The following MOSPD1 variants were observed in gnomAD, a reference collection of about 807,000 sequenced individuals.
MOSPD1 encodes the protein motile sperm domain containing 1, also known as motile sperm domain-containing protein 1.
MOSPD1 carries 5 observed loss-of-function variants against 16.7 expected under a neutral mutation model. The ratio of observed to expected loss-of-function variants is 0.30; its 90% CI spans 0.16 to 0.63. The LOEUF (loss-of-function observed/expected upper bound fraction) is 0.63. MOSPD1 is among the 30% of genes least tolerant of loss of function. The probability of loss-of-function intolerance (pLI) is 0.82; values close to 1 mark genes in which losing one functional copy is unlikely to be tolerated. For missense variants in MOSPD1, 104 were observed against 153.6 expected, an observed-to-expected ratio of 0.68 and a Z score of 1.71; for synonymous variants, 67 against 59.2, an observed-to-expected ratio of 1.13 and a Z score of -0.61.
chrX:134,906,174 CTTTTTTTTTTTT>C (rs765109385), intron 1 of MOSPD1, among the ~76,000 whole-genome samples: 10 of 56,650 alleles, frequency 1.8e-4, no homozygotes, highest in African/African-American at 7.2e-4. Context: ...CCATTTATCA[CTTTTTTTTTTTT>C]TTTTTTTTTT....
chrX:134,904,295 T>C (rs2082930131), intron 1 of MOSPD1, among the ~76,000 whole-genome samples: 1 of 112,087 alleles, frequency 8.9e-6, no homozygotes, highest in Non-Finnish European at 1.9e-5. Flanking sequence ...TGATAGCATA[T>C]GATGGGAACG....
At chrX:134,907,168 T>A (rs2082947415) in intron 1 of MOSPD1, among the ~76,000 whole-genome samples, 1 of 110,445 alleles carries the variant, frequency 9.1e-6, no homozygotes, top group African/African-American at 3.3e-5. Flanking sequence ...GTGGAGGTTG[T>A]ATTGAGCCGA....
intron 1 of MOSPD1, 113 bp from the exon 2 acceptor site, chrX:134,899,647 G>A (rs1400417263): frequency 2.6e-5 from 8 of 312,881 alleles, no homozygotes; most frequent in East Asian, 5.3e-5. Context: ...CCCCTGAATC[G>A]GCCAGGTGCA....
At chrX:134,911,198 C>G (rs938100915) in intron 1 of MOSPD1, among the ~76,000 whole-genome samples, 1 of 111,704 alleles carries the variant, frequency 9.0e-6, no homozygotes, top group African/African-American at 3.3e-5. Flanking sequence ...CTGACCAATT[C>G]AGATTTGAAG....
At chrX:134,909,427 T>C (rs1259462230) in intron 1 of MOSPD1, among the ~76,000 whole-genome samples, 1 of 111,858 alleles carries the variant, frequency 8.9e-6, no homozygotes. Flanking sequence ...TATCTCTCCC[T>C]GGCTCTTGCT....
intron 4 of MOSPD1, among the ~76,000 whole-genome samples, chrX:134,895,297 C>T (rs1452500477): frequency 3.7e-5 from 4 of 108,698 alleles, no homozygotes; most frequent in Non-Finnish European, 7.6e-5. Context: ...TGCACTCTAG[C>T]CTGGGCGATA....
chrX:134,891,393 A>G, intron 5 of MOSPD1, 86 bp downstream of exon 5: 16 of 799,246 alleles, frequency 2.0e-5, no homozygotes, highest in East Asian at 4.0e-5. Flanking sequence ...TTCTTTGGGA[A>G]AAAAAAAAAA....
At chrX:134,895,904 A>G (rs781052365) in intron 4 of MOSPD1, among the ~76,000 whole-genome samples, 6 of 111,654 alleles carry the variant, frequency 5.4e-5, no homozygotes, top group Admixed American at 9.5e-5. Context: ...TGGACTAGGA[A>G]AAAACTCTTG....
At chrX:134,906,618 G>T (rs979130603) in intron 1 of MOSPD1, among the ~76,000 whole-genome samples, 4 of 111,664 alleles carry the variant, frequency 3.6e-5, no homozygotes, top group African/African-American at 9.7e-5. Flanking sequence ...GCCTTGAATT[G>T]ATAGTTTTCT....
chrX:134,896,229 A>C (rs964603484), intron 4 of MOSPD1, among the ~76,000 whole-genome samples: 2 of 111,908 alleles, frequency 1.8e-5, no homozygotes, highest in African/African-American at 6.5e-5. Context: ...ATGTTGAAAG[A>C]ATATATCATA....
In MOSPD1 at chrX:134,887,704, TGCACTTGCAC is replaced by T. The variant is rs1295661138; in HGVS notation, c.*1447_*1456del. 2 of 113,663 alleles carry T rather than the reference TGCACTTGCAC, an allele frequency of 1.8e-5. No individual in the cohort carries two copies. The highest frequency in any genetic ancestry group is 6.4e-5 in the African/African-American group (2 of 31,259). 9.4% of individuals were successfully genotyped at this position (113,663 alleles called of 1,213,427 possible). A position where few individuals can be genotyped will look rare whatever the true frequency, so the allele number is the denominator to read the frequency against. ...CAATGTGTTATTACACACACACATGTGCACTTGCACACACGTGCACACACAGGACTTGAGA... is the reference window on the plus strand; with the variant it reads ...CAATGTGTTATTACACACACACATGTACACGTGCACACACAGGACTTGAGA... On this transcript the variant is annotated 3_prime_UTR_variant, in exon 6 of 6. Coordinates refer to ENST00000370783, the MANE Select transcript of MOSPD1 (RefSeq NM_019556.3).
intron 1 of MOSPD1, among the ~76,000 whole-genome samples, chrX:134,912,725 G>T (rs1470284717): frequency 9.3e-6 from 1 of 107,458 alleles, no homozygotes; most frequent in Non-Finnish European, 1.9e-5. Context: ...AGATCACGAG[G>T]TCAGGAGATC....
chrX:134,910,543 A>T (rs2082965724), intron 1 of MOSPD1, among the ~76,000 whole-genome samples: 1 of 112,180 alleles, frequency 8.9e-6, no homozygotes, highest in African/African-American at 3.2e-5. Context: ...CAGGAAAAAC[A>T]GATATACAGC....
At chrX:134,911,809 T>TA (rs978133596) in intron 1 of MOSPD1, among the ~76,000 whole-genome samples, 23 of 111,775 alleles carry the variant, frequency 2.1e-4, no homozygotes, top group Non-Finnish European at 4.1e-4. Flanking sequence ...CCTTCCTTCT[T>TA]AAAAAAAATT....
chrX:134,909,067 A>G (rs966869972), intron 1 of MOSPD1, among the ~76,000 whole-genome samples: 7 of 110,502 alleles, frequency 6.3e-5, no homozygotes, highest in Non-Finnish European at 1.1e-4. Context: ...GGAGATCGAG[A>G]CCATCCTGGA....
At chrX:134,913,699 T>C (rs1603258301) in intron 1 of MOSPD1, among the ~76,000 whole-genome samples, 2 of 112,168 alleles carry the variant, frequency 1.8e-5, no homozygotes, top group East Asian at 5.5e-4. Context: ...GTCCATTACA[T>C]TTAATTATAT....
At chrX:134,895,870 C>G (rs1297992280) in intron 4 of MOSPD1, among the ~76,000 whole-genome samples, 1 of 111,146 alleles carries the variant, frequency 9.0e-6, no homozygotes, top group Non-Finnish European at 1.9e-5. Context: ...CCTGGTATTA[C>G]CAGAAAATCT....
At chrX:134,913,022 T>C (rs1329475251) in intron 1 of MOSPD1, among the ~76,000 whole-genome samples, 2 of 110,532 alleles carry the variant, frequency 1.8e-5, no homozygotes, top group Non-Finnish European at 3.8e-5. Context: ...GCAGATCACC[T>C]GAGGTCAGGA....
At chrX:134,896,716 T>C in intron 4 of MOSPD1, 101 bp downstream of exon 4, 1 of 597,342 alleles carries the variant, frequency 1.7e-6, no homozygotes, top group Non-Finnish European at 2.7e-6. Flanking sequence ...ATGTTTGAAG[T>C]GGTAGATGAT....
Sources: gnomAD v4.1 joint callset for allele counts (sites outside exome capture counted in the v4.1 genomes callset) on GRCh38, gnomAD v4.1.1 for gene constraint, MANE v1.5 for transcripts, NCBI Gene and HGNC (gene_info 2026-07-23, HGNC 2026-07-21) for gene names.